LRRC4B: variants seen among roughly 807,000 people sequenced by gnomAD.
LRRC4B encodes the protein leucine-rich repeat-containing protein 4B.
LRRC4B carries 1 observed loss-of-function variant against 7.3 expected under a neutral mutation model. The observed-to-expected ratio is 0.14, with a 90% CI of 0.05 to 0.65. The LOEUF (loss-of-function observed/expected upper bound fraction) is 0.65, where lower values mean the gene tolerates loss of function less well. Among genes scored for constraint, LRRC4B ranks in the 30% least tolerant of loss-of-function variants. The pLI is 0.84. For synonymous variants in LRRC4B, 500 were observed against 499.2 expected (o/e 1.00, Z -0.02); for missense variants, 730 against 1,041.6 (o/e 0.70, Z 4.12).
intron 2 of LRRC4B, among the ~76,000 whole-genome samples, chr19:50,525,096 C>T (rs149901014): frequency 9.4e-4 from 143 of 152,300 alleles, no homozygotes; most frequent in African/African-American, 3.2e-3. Context: ...TGGACAGACA[C>T]GGAAACAGAG....
intron 1 of LRRC4B, among the ~76,000 whole-genome samples, chr19:50,562,553 T>A (rs1982501610): frequency 6.6e-6 from 1 of 152,170 alleles, no homozygotes; most frequent in South Asian, 2.1e-4. Context: ...GCCTCTGCAG[T>A]GGAGCTGTGG....
At chr19:50,529,059 C>T (rs1446738680) in intron 2 of LRRC4B, among the ~76,000 whole-genome samples, 1 of 152,166 alleles carries the variant, frequency 6.6e-6, no homozygotes, top group Non-Finnish European at 1.5e-5. Context: ...CCCCCTCTGC[C>T]AGGGGACCCC....
chr19:50,536,913 G>A (rs1047569897), intron 2 of LRRC4B, among the ~76,000 whole-genome samples: 5 of 152,156 alleles, frequency 3.3e-5, no homozygotes, highest in African/African-American at 7.2e-5. Context: ...CTGAGATGGG[G>A]ACAGGGTGGC....
rs777753674 is a variant in LRRC4B, at chr19:50,517,753, C to T, written c.1960G>A (p.Ala654Thr). Residue 654 changes from alanine (A) to threonine (T), a missense_variant, in exon 3 of 3, where the codon GCC becomes ACC. Transcript: ENST00000652263. This position sits in a 1 kb window ranked among gnomAD's most constrained non-coding sequence, Gnocchi z 6.6. ...TGGTTGAGGTGGTCTCGCTCCAGGG[C>T]GGGCAGGGCCAGGTGGCTGTCCCCG... ...VGGDSHLALP[A>T]LERDHLNHHH... is the part of the protein sequence containing the mutation. 39 of 1,524,442 alleles carry T rather than the reference C, an allele frequency of 2.6e-5. No homozygotes were observed. The highest frequency in any genetic ancestry group is 3.2e-5 in the Non-Finnish European group (36 of 1,139,896). 94.4% of individuals were successfully genotyped at this position (1,524,442 alleles called of 1,614,324 possible).
intron 2 of LRRC4B, among the ~76,000 whole-genome samples, chr19:50,523,160 C>T (rs569653508): frequency 1.3e-5 from 2 of 152,222 alleles, no homozygotes; most frequent in Non-Finnish European, 2.9e-5. Context: ...AGGGTCCTCA[C>T]TACTGATGAC....
chr19:50,529,995 C>T (rs769737296), intron 2 of LRRC4B, among the ~76,000 whole-genome samples: 34 of 151,462 alleles, frequency 2.2e-4, no homozygotes, highest in Non-Finnish European at 4.4e-4. Flanking sequence ...CCCCCTAGCT[C>T]ATCCTCCCCG....
At chr19:50,533,396 C>T (rs540550716) in intron 2 of LRRC4B, among the ~76,000 whole-genome samples, 1 of 152,208 alleles carries the variant, frequency 6.6e-6, no homozygotes, top group Middle Eastern at 3.4e-3. Flanking sequence ...CCAGTTAATT[C>T]TTCTCTTCTC....
chr19:50,544,256 C>T (rs1427604006), intron 2 of LRRC4B, among the ~76,000 whole-genome samples: 7 of 152,050 alleles, frequency 4.6e-5, no homozygotes, highest in Non-Finnish European at 1.5e-5. Flanking sequence ...CCTGTAATCC[C>T]AGCACTTTGG....
chr19:50,544,576 TCAG>T (rs1440396089), intron 2 of LRRC4B, among the ~76,000 whole-genome samples: 8 of 151,848 alleles, frequency 5.3e-5, no homozygotes, highest in Admixed American at 2.0e-4. Context: ...CATTTACAAA[TCAG>T]CAGCAATTGT....
chr19:50,556,782 A>G lies in LRRC4B; in HGVS notation c.-35-7909T>C, dbSNP rs1338559615. Among the ~76,000 whole-genome samples the G allele has an allele frequency of 6.6e-6, 1 of 150,496 alleles. No individual in the cohort carries two copies. Among genetic ancestry groups the G allele is most frequent in the Admixed American group, 6.6e-5 (1 of 15,122 alleles). On this transcript the variant is annotated intron_variant, in intron 1 of 2. Transcript: ENST00000652263. The surrounding 1 kb of genome is among the most constrained non-coding windows in gnomAD (Gnocchi z 4.2). ...CCCTACCGGCAGTTCCTCTGCTGGC[A>G]CCCGAGGCAAGGAGCCCTGGGTCTC...
chr19:50,549,495 C>G (rs1193823423), intron 1 of LRRC4B, among the ~76,000 whole-genome samples: 1 of 152,224 alleles, frequency 6.6e-6, no homozygotes, highest in Non-Finnish European at 1.5e-5. Flanking sequence ...GAAAGACCCT[C>G]CGCTGCACAC....
At position 50,553,767 on chromosome 19, in the gene LRRC4B, C is replaced by G. The variant is rs1054004435; in HGVS notation, c.-35-4894G>C. On this transcript the variant is annotated intron_variant, in intron 1 of 2. Coordinates refer to ENST00000652263, the MANE Select transcript of LRRC4B (RefSeq NM_001080457.2). The surrounding 1 kb of genome is among the most constrained non-coding windows in gnomAD (Gnocchi z 4.2). ...CCAGGACCCACAACAGTGCTGGGCA[C>G]ATGGCAGTTGCTCACCAAACACTGG... Among the ~76,000 whole-genome samples the G allele has an allele frequency of 5.3e-5, 8 of 152,158 alleles. No homozygotes were observed. Among genetic ancestry groups the G allele is most frequent in the Admixed American group, 6.5e-5 (1 of 15,274 alleles).
At chr19:50,535,689 C>T (rs1981250533) in intron 2 of LRRC4B, among the ~76,000 whole-genome samples, 1 of 152,234 alleles carries the variant, frequency 6.6e-6, no homozygotes. Context: ...CCATGACTGG[C>T]AGCACTGCAG....
In LRRC4B at chr19:50,563,653, G is replaced by A. The variant is rs773201266; in HGVS notation, c.-36+4291C>T. Among the ~76,000 whole-genome samples, 2 of 152,290 alleles carry A rather than the reference G, an allele frequency of 1.3e-5. No homozygotes were observed. Among genetic ancestry groups the A allele is most frequent in the South Asian group, 2.1e-4 (1 of 4,820 alleles). On this transcript the variant is annotated intron_variant, in intron 1 of 2. Coordinates refer to ENST00000652263, the MANE Select transcript of LRRC4B (RefSeq NM_001080457.2). The surrounding 1 kb of genome is among the most constrained non-coding windows in gnomAD (Gnocchi z 4.9). ...ACAGAGAAGCCCACCCCCTGCCTACGGGCTGTGATGCCACATGCTGGGGAC... is the reference window on the plus strand; with the variant it reads ...ACAGAGAAGCCCACCCCCTGCCTACAGGCTGTGATGCCACATGCTGGGGAC...
chr19:50,541,195 GA>G (rs980372619), intron 2 of LRRC4B, among the ~76,000 whole-genome samples: 2 of 142,522 alleles, frequency 1.4e-5, no homozygotes, highest in African/African-American at 5.2e-5. Flanking sequence ...AAAAAAAAAA[GA>G]AAAGAAAAGA....
rs545156248 is a variant in LRRC4B at position 50,527,469 on chromosome 19, G to A, written c.298-8054C>T. On this transcript the variant is annotated intron_variant, in intron 2 of 2. Transcript: ENST00000652263. ...CCCAAAGTGCTGGGATTACAGGCAT[G>A]AGCCATTCATTGTGGCTTGCTTTTT... Among the ~76,000 whole-genome samples, 45 of 151,246 alleles carry A rather than the reference G, an allele frequency of 3.0e-4. No individual in the cohort carries two copies. The South Asian group carries it at 6.9e-3, about 23-fold the overall frequency.
At chr19:50,525,363 T>A (rs117890080) in intron 2 of LRRC4B, among the ~76,000 whole-genome samples, 584 of 151,750 alleles carry the variant, frequency 3.8e-3, no homozygotes, top group Non-Finnish European at 5.8e-3. Flanking sequence ...ATTACAGCCC[T>A]GAGCCGTCCA....
Position 50,548,534 on chromosome 19 carries a change from C to A in LRRC4B, c.297+8G>T, listed in dbSNP as rs1407043620. 1 of 1,589,104 alleles carries A rather than the reference C, an allele frequency of 6.3e-7. No individual in the cohort carries two copies. The highest frequency in any genetic ancestry group is 8.5e-7 in the Non-Finnish European group (1 of 1,174,872). On this transcript the variant is annotated splice_region_variant and intron_variant, in intron 2 of 2. Transcript: ENST00000652263. The surrounding 1 kb of genome is among the most constrained non-coding windows in gnomAD (Gnocchi z 6.8). ...CAAGGTCCCCCTCTGCCCGCTGGCC[C>A]CGCATACCTGGATGCCGTTCTCTTG... is the stretch of plus-strand genomic sequence containing the variant.
rs184751503 is a variant in LRRC4B at position 50,536,214 on chromosome 19, A to T, written c.297+12328T>A. Among the ~76,000 whole-genome samples, 3 of 151,618 alleles carry T rather than the reference A, an allele frequency of 2.0e-5. 1 individual carries two copies. Among genetic ancestry groups the T allele is most frequent in the African/African-American group, 7.3e-5 (3 of 41,318 alleles). ...AATAGCATGATCTCAGCTCACTGCA[A>T]CCTTCGCCTCCCAGGTTCAAGCGAT... On this transcript the variant is annotated intron_variant, in intron 2 of 2. Coordinates refer to ENST00000652263, the MANE Select transcript of LRRC4B (RefSeq NM_001080457.2).
Sources: allele counts gnomAD v4.1 joint callset (sites outside exome capture counted in the v4.1 genomes callset), GRCh38; gene constraint gnomAD v4.1.1; non-coding constraint Gnocchi (gnomAD v3.1); transcripts MANE v1.5; gene names NCBI Gene and HGNC (gene_info 2026-07-23, HGNC 2026-07-21).